Variants in CDK14 observed in about 807,000 individuals in gnomAD.
CDK14 encodes cyclin dependent kinase 14, also known as cyclin-dependent kinase 14.
CDK14 carries 34 observed loss-of-function variants against 60.7 expected under a neutral mutation model. The ratio of observed to expected loss-of-function variants is 0.56; its 90% confidence interval spans 0.43 to 0.75. CDK14 has a LOEUF of 0.75. Among genes scored for constraint, CDK14 ranks in the 30% least tolerant of loss-of-function variants. The pLI, the probability that CDK14 is intolerant of heterozygous loss-of-function variation, is 0.00. For synonymous variants in CDK14, 197 were observed against 203.7 expected, an observed-to-expected ratio of 0.97 and a Z score of 0.28; for missense variants, 482 against 564.1, an observed-to-expected ratio of 0.85 and a Z score of 1.47.
intron 11 of CDK14, among the ~76,000 whole-genome samples, chr7:91,055,139 C>T (rs1797512324): frequency 6.6e-6 from 1 of 151,982 alleles, no homozygotes; most frequent in Admixed American, 6.6e-5. Flanking sequence ...AGCAGTGATG[C>T]CAGAGACACA....
At chr7:91,034,368 T>C (rs1472989756) in intron 10 of CDK14, among the ~76,000 whole-genome samples, 1 of 151,802 alleles carries the variant, frequency 6.6e-6, no homozygotes, top group Non-Finnish European at 1.5e-5. Context: ...TTCTTTTTCT[T>C]TTTTTTTAAT....
intron 9 of CDK14, among the ~76,000 whole-genome samples, chr7:90,959,618 TA>T (rs1253471763): frequency 1.3e-5 from 2 of 152,254 alleles, no homozygotes; most frequent in East Asian, 3.9e-4. Flanking sequence ...AGGTAGTAAC[TA>T]AAAACTAATG....
At chr7:90,884,186 A>G (rs1356011879) in intron 6 of CDK14, among the ~76,000 whole-genome samples, 2 of 152,134 alleles carry the variant, frequency 1.3e-5, no homozygotes, top group African/African-American at 4.8e-5. Context: ...TAGAAAACCC[A>G]ATCATCTGAG....
At chr7:91,083,099 C>T (rs1397914973) in intron 12 of CDK14, among the ~76,000 whole-genome samples, 2 of 151,914 alleles carry the variant, frequency 1.3e-5, no homozygotes. Flanking sequence ...TCTTTCCCCA[C>T]TTTCACTTTT....
At position 90,828,528 on chromosome 7, in the gene CDK14, T is replaced by TC. The variant is rs397700060; in HGVS notation, c.545-34644dup. ...TTCTCTATTTGTTTAATATTTTTTT[T>TC]CCCTATTGGTTAGGTCACAACTCTT... On this transcript the variant is annotated intron_variant, in intron 5 of 14. Transcript: ENST00000380050. Among the ~76,000 whole-genome samples the TC allele has an allele frequency of 4.5e-3, 679 of 152,080 alleles. 6 individuals carry two copies. The highest frequency in any genetic ancestry group is 0.013 in the African/African-American group (546 of 41,482).
intron 14 of CDK14, among the ~76,000 whole-genome samples, chr7:91,173,821 CG>C (rs1801619310): frequency 1.3e-5 from 2 of 152,306 alleles, no homozygotes; most frequent in South Asian, 4.1e-4. Context: ...CACGGAGTCT[CG>C]CTGATTGCTA....
chr7:91,019,257 C>T (rs1188498755), intron 10 of CDK14, among the ~76,000 whole-genome samples: 1 of 152,118 alleles, frequency 6.6e-6, no homozygotes, highest in Non-Finnish European at 1.5e-5. Context: ...CTGGCTTGCT[C>T]CTGTGAATGG....
At chr7:90,889,406 T>C (rs949360829) in intron 6 of CDK14, among the ~76,000 whole-genome samples, 4 of 152,218 alleles carry the variant, frequency 2.6e-5, no homozygotes, top group African/African-American at 9.6e-5. Flanking sequence ...TGGGAATGCA[T>C]TTGGAAATGC....
At chr7:91,000,581 T>A (rs1177588221) in intron 10 of CDK14, among the ~76,000 whole-genome samples, 1 of 152,188 alleles carries the variant, frequency 6.6e-6, no homozygotes, top group Non-Finnish European at 1.5e-5. Context: ...TGACAGAGAG[T>A]ACTCTTTATT....
intron 6 of CDK14, among the ~76,000 whole-genome samples, chr7:90,893,949 C>A (rs1274234564): frequency 6.6e-6 from 1 of 152,168 alleles, no homozygotes; most frequent in Non-Finnish European, 1.5e-5. Context: ...AATGTCTGGG[C>A]ATGCACATAG....
intron 10 of CDK14, among the ~76,000 whole-genome samples, chr7:91,039,814 G>A (rs117286512): frequency 0.032 from 4,884 of 152,018 alleles, 110 homozygotes; most frequent in Non-Finnish European, 0.05. Flanking sequence ...CTTCTTGGCC[G>A]GGTGCGGTGG....
intron 14 of CDK14, among the ~76,000 whole-genome samples, chr7:91,146,423 A>C (rs1800640355): frequency 6.7e-6 from 1 of 149,554 alleles, no homozygotes; most frequent in African/African-American, 2.4e-5. Flanking sequence ...CTGGTCTTGA[A>C]CTCATGACCT....
intron 2 of CDK14, among the ~76,000 whole-genome samples, chr7:90,677,103 T>C (rs938976004): frequency 1.3e-5 from 2 of 152,194 alleles, no homozygotes; most frequent in African/African-American, 4.8e-5. Flanking sequence ...ATTTGATACA[T>C]CACTGTTTAT....
chr7:91,088,249 GGA>G (rs750861287), intron 12 of CDK14, among the ~76,000 whole-genome samples: 53 of 152,292 alleles, frequency 3.5e-4, no homozygotes, highest in Non-Finnish European at 6.5e-4. Context: ...GTTGTGGTGA[GGA>G]AAATGGGAAG....
intron 7 of CDK14, among the ~76,000 whole-genome samples, chr7:90,911,460 T>A (rs1792898248): frequency 6.6e-6 from 1 of 152,208 alleles, no homozygotes; most frequent in South Asian, 2.1e-4. Flanking sequence ...GACCCATTGC[T>A]AATGACTCCT....
intron 14 of CDK14, among the ~76,000 whole-genome samples, chr7:91,153,615 C>G (rs890109393): frequency 2.6e-5 from 4 of 152,106 alleles, no homozygotes; most frequent in Non-Finnish European, 5.9e-5. Flanking sequence ...TTTTCTCTGG[C>G]AAACTAATGC....
chr7:90,874,761 C>T (rs1791500919), intron 6 of CDK14, among the ~76,000 whole-genome samples: 1 of 151,044 alleles, frequency 6.6e-6, no homozygotes, highest in African/African-American at 2.4e-5. Flanking sequence ...ATCTCCTGAC[C>T]TCATGATCCA....
chr7:91,195,736 A>G (rs1026288295), intron 14 of CDK14, among the ~76,000 whole-genome samples: 1 of 152,238 alleles, frequency 6.6e-6, no homozygotes, highest in African/African-American at 2.4e-5. Context: ...TGGCAGCTCA[A>G]GACTTCATGT....
intron 10 of CDK14, among the ~76,000 whole-genome samples, chr7:91,042,484 T>C (rs1797118682): frequency 6.6e-6 from 1 of 152,188 alleles, no homozygotes; most frequent in South Asian, 2.1e-4. Flanking sequence ...CCAGGAGCAC[T>C]TCAAGGCAGA....
Sources: gnomAD v4.1 joint callset for allele counts (sites outside exome capture counted in the v4.1 genomes callset) on GRCh38, gnomAD v4.1.1 for gene constraint, MANE v1.5 for transcripts, NCBI Gene and HGNC (gene_info 2026-07-23, HGNC 2026-07-21) for gene names.